The following MILR1 variants were observed in gnomAD, a reference collection of about 807,000 sequenced individuals.
MILR1 encodes allergin-1.
In MILR1, 31 loss-of-function variants were observed where a neutral mutation model predicts 18.5. That is an observed-to-expected ratio of 1.68 (90% confidence interval 1.26 to 2.26). MILR1 has a LOEUF of 2.26. Among genes scored for constraint, MILR1 ranks in the 30% most tolerant of loss-of-function variants. MILR1 has a pLI of 0.00. For missense variants in MILR1, 257 were observed against 157.4 expected (o/e 1.63, Z -3.38); for synonymous variants, 85 against 56.2 (o/e 1.51, Z -2.30).
chr17:64,466,742 A>G (rs2037572196), intron 8 of MILR1, 80 bp downstream of exon 8: 3 of 1,228,430 alleles, frequency 2.4e-6, no homozygotes, highest in South Asian at 1.3e-5. Context: ...CAGGGGCTTC[A>G]GGAGCCCGTT....
chr17:64,468,275 A>G (rs529216417), intron 9 of MILR1, 35 bp from the exon 10 acceptor site: 2 of 453,334 alleles, frequency 4.4e-6, no homozygotes, highest in Non-Finnish European at 8.8e-6. Context: ...GTGGCCTTTT[A>G]TATTCTCTCT....
downstream of MILR1, among the ~76,000 whole-genome samples, chr17:64,468,806 C>T (rs368402974): frequency 1.1e-4 from 16 of 151,464 alleles, no homozygotes; most frequent in African/African-American, 3.1e-4. Flanking sequence ...AAAAGATGGC[C>T]GGGCACGGTG....
At position 64,452,699 on chromosome 17, in the gene MILR1, A is replaced by G. The variant is rs1054442683; in HGVS notation, c.200A>G (p.Tyr67Cys). 2.5e-5 allele frequency: 12 copies of G among 474,842 alleles called. No homozygotes were observed. The South Asian group carries it at 6.8e-4, about 27-fold the overall frequency. The allele number at this position is 474,842 out of a possible 1,614,324, so 29.4% of individuals were successfully genotyped here. A position where few individuals can be genotyped will look rare whatever the true frequency, so the allele number is the denominator to read the frequency against. ...SHKNKSLQIT[Y>C]SLFRRKTHLG... ...AAGAACAAATCACTGCAGATCACCT[A>G]TTCATTGTTTCGACGTAAGACACAC... The change falls in exon 3 of 10, where the codon TAT (tyrosine) becomes TGT (cysteine). Residue 67 changes from tyrosine (Y) to cysteine (C), a missense_variant. Physicochemically the swap from Tyr to Cys is radical, Grantham distance 194. Coordinates refer to ENST00000619286, the MANE Select transcript of MILR1 (RefSeq NM_001085423.2).
At chr17:64,454,011 C>A (rs2037234662) in intron 3 of MILR1, among the ~76,000 whole-genome samples, 3 of 152,094 alleles carry the variant, frequency 2.0e-5, no homozygotes, top group Non-Finnish European at 4.4e-5. Context: ...CTCACTTCAA[C>A]CTCCGCCTTT....
chr17:64,487,772 C>T, the MILR1 span, among the ~76,000 whole-genome samples: 1 of 152,152 alleles, frequency 6.6e-6, no homozygotes. Flanking sequence ...GAGGCCAGGG[C>T]AGGAGGATCA....
the MILR1 span, chr17:64,493,004 C>T: frequency 6.2e-7 from 1 of 1,614,106 alleles, no homozygotes; most frequent in Admixed American, 1.7e-5. Context: ...AGGCAATTAA[C>T]ATAGTGTTCC....
chr17:64,464,394 G>GT (rs1200545234), intron 5 of MILR1, among the ~76,000 whole-genome samples: 114 of 143,846 alleles, frequency 7.9e-4, no homozygotes, highest in Middle Eastern at 3.5e-3. Context: ...ACAGTTTTTT[G>GT]TTTTTTTTTT....
chr17:64,466,212 C>T (rs1424753971), intron 6 of MILR1, among the ~76,000 whole-genome samples: 1 of 152,138 alleles, frequency 6.6e-6, no homozygotes, highest in African/African-American at 2.4e-5. Context: ...CAGAAACCAC[C>T]CCCATGATTT....
the MILR1 span, chr17:64,477,918 G>T: frequency 1.8e-5 from 29 of 1,613,748 alleles, no homozygotes; most frequent in Non-Finnish European, 2.1e-5. Flanking sequence ...CTGCTTCTCA[G>T]ATGTATTAAT....
the MILR1 span, among the ~76,000 whole-genome samples, chr17:64,479,225 C>T: frequency 1.3e-5 from 2 of 150,434 alleles, no homozygotes; most frequent in Non-Finnish European, 3.0e-5. Context: ...GCTCTGTCAC[C>T]CAGGATGGAG....
chr17:64,492,272 CT>C, the MILR1 span, among the ~76,000 whole-genome samples: 1 of 151,294 alleles, frequency 6.6e-6, no homozygotes, highest in South Asian at 2.1e-4. Context: ...TACTTCAACT[CT>C]TTTTTTTTCA....
At chr17:64,452,925 A>G (rs1199676388) in intron 3 of MILR1, 59 bp downstream of exon 3, 3 of 461,820 alleles carry the variant, frequency 6.5e-6, no homozygotes, top group African/African-American at 2.0e-5. Flanking sequence ...TTCTGGTTCT[A>G]TGAGGGGCTC....
downstream of MILR1, among the ~76,000 whole-genome samples, chr17:64,471,465 A>G (rs1318862546): frequency 6.6e-6 from 1 of 152,198 alleles, no homozygotes; most frequent in Non-Finnish European, 1.5e-5. Flanking sequence ...GTCTCACCCC[A>G]GGCACTGCAA....
At chr17:64,489,589 C>T in the MILR1 span, among the ~76,000 whole-genome samples, 4 of 151,780 alleles carry the variant, frequency 2.6e-5, no homozygotes, top group Non-Finnish European at 2.9e-5. Context: ...AGCTAGACCC[C>T]GTCTCTACAA....
the MILR1 span, chr17:64,480,528 T>A: frequency 3.9e-6 from 2 of 517,766 alleles, no homozygotes; most frequent in Non-Finnish European, 7.3e-6. Flanking sequence ...TGTTAATGTT[T>A]ATAACTTCCA....
chr17:64,490,704 G>C, the MILR1 span: 25 of 946,296 alleles, frequency 2.6e-5, no homozygotes, highest in Non-Finnish European at 4.1e-5. Context: ...GAAGTGTTAA[G>C]ACACCACGTT....
the MILR1 span, chr17:64,496,818 C>T: frequency 1.2e-6 from 2 of 1,613,866 alleles, no homozygotes; most frequent in South Asian, 1.1e-5. Context: ...CCGTTCCCCT[C>T]GAGCTCCGCG....
intron 5 of MILR1, among the ~76,000 whole-genome samples, chr17:64,464,275 C>A (rs1246523224): frequency 6.6e-6 from 1 of 151,126 alleles, no homozygotes; most frequent in Non-Finnish European, 1.5e-5. Context: ...CACCACCATG[C>A]CTGGCTAATT....
chr17:64,493,023 T>C, the MILR1 span: 1 of 1,614,082 alleles, frequency 6.2e-7, no homozygotes, highest in South Asian at 1.1e-5. Flanking sequence ...CCAAGGCACC[T>C]GTCAAAAGAT....
Sources: gnomAD v4.1 joint callset for allele counts (sites outside exome capture counted in the v4.1 genomes callset) on GRCh38, gnomAD v4.1.1 for gene constraint, MANE v1.5 for transcripts, NCBI Gene and HGNC (gene_info 2026-07-23, HGNC 2026-07-21) for gene names.